ALDOA: variants seen among roughly 807,000 people sequenced by gnomAD.
ALDOA encodes fructose-bisphosphate aldolase A.
In ALDOA, 26 loss-of-function variants were observed where a neutral mutation model predicts 43.9. That is an observed-to-expected ratio of 0.59 (90% CI 0.43 to 0.82). The LOEUF (loss-of-function observed/expected upper bound fraction) is 0.82, where lower values mean the gene tolerates loss of function less well. ALDOA is among the 40% of genes least tolerant of loss of function. The pLI is 0.00. For synonymous variants in ALDOA, 258 were observed against 222.6 expected, an observed-to-expected ratio of 1.16 and a Z score of -1.42; for missense variants, 498 against 549.5, an observed-to-expected ratio of 0.91 and a Z score of 0.94.
chr16:30,067,906 C>G, intron 4 of ALDOA: 1 of 565,192 alleles, frequency 1.8e-6, no homozygotes, highest in South Asian at 2.0e-5. Context: ...GAGTAAGTGG[C>G]AGAGCCCCAG....
intron 2 of ALDOA, 71 bp from the exon 3 acceptor site, chr16:30,067,163 G>A (rs2072139170): frequency 3.1e-6 from 5 of 1,604,042 alleles, no homozygotes; most frequent in Admixed American, 1.7e-5. Context: ...TCCAGGAGAG[G>A]GGCCCTGGTC....
rs2072233864 is a variant in ALDOA at position 30,069,402 on chromosome 16, C to T, written c.786+13C>T. 4 of 1,614,158 alleles carry T rather than the reference C, an allele frequency of 2.5e-6. No homozygotes were observed. The highest frequency in any genetic ancestry group is 2.5e-6 in the Non-Finnish European group (3 of 1,180,000). On this transcript the variant is annotated intron_variant, in intron 7 of 9. Coordinates refer to ENST00000642816, the MANE Select transcript of ALDOA (RefSeq NM_001243177.4). ...TGTGACCGAGAAGGTAAATGGCTAC[C>T]TGCCTGACCAGTGCAAGGTGGCTGG... is the stretch of plus-strand genomic sequence containing the variant.
chr16:30,067,146 C>T, intron 2 of ALDOA, 88 bp from the exon 3 acceptor site: 2 of 1,591,896 alleles, frequency 1.3e-6, no homozygotes, highest in Non-Finnish European at 1.7e-6. Context: ...GGAACATTTC[C>T]CTGACCTCCA....
At position 30,069,404 on chromosome 16, in the gene ALDOA, G is replaced by T. The variant is rs745449029; in HGVS notation, c.786+15G>T. 6.2e-7 allele frequency: 1 copy of T among 1,614,076 alleles called. No individual in the cohort carries two copies. The highest frequency in any genetic ancestry group is 1.7e-5 in the Admixed American group (1 of 60,014). On this transcript the variant is annotated intron_variant, in intron 7 of 9. Coordinates refer to ENST00000642816, the MANE Select transcript of ALDOA (RefSeq NM_001243177.4). ...TGACCGAGAAGGTAAATGGCTACCT[G>T]CCTGACCAGTGCAAGGTGGCTGGCC...
intron 1 of ALDOA, 69 bp from the exon 2 acceptor site, chr16:30,066,816 G>A: frequency 6.7e-7 from 1 of 1,483,336 alleles, no homozygotes; most frequent in South Asian, 1.3e-5. Flanking sequence ...TTCCCACGAG[G>A]GTGTTGGGCC....
chr16:30,065,087 G>A (rs190221518), upstream of ALDOA, among the ~76,000 whole-genome samples: 105 of 152,362 alleles, frequency 6.9e-4, 1 homozygote, highest in East Asian at 0.015. Context: ...GCCCGGCGGA[G>A]AGCGCGCACG....
rs772305686 is a variant in ALDOA, at chr16:30,067,176, C to T, written c.142-58C>T. On this transcript the variant is annotated intron_variant, in intron 2 of 9. Coordinates refer to ENST00000642816, the MANE Select transcript of ALDOA (RefSeq NM_001243177.4). Reference sequence around the variant, plus strand: ...CCTCCAGGAGAGGGGCCCTGGTCATCGGGAGATGATGGGAAACCCTAGCTA... The same window carrying T: ...CCTCCAGGAGAGGGGCCCTGGTCATTGGGAGATGATGGGAAACCCTAGCTA... 4.4e-6 allele frequency: 7 copies of T among 1,608,638 alleles called. No individual in the cohort carries two copies. The East Asian group carries it at 6.7e-5, about 15-fold the overall frequency.
rs966988184 is a variant in ALDOA at position 30,070,268 on chromosome 16, TGAA to T, written c.*59_*61del. On this transcript the variant is annotated 3_prime_UTR_variant, in exon 10 of 10. Coordinates refer to ENST00000642816, the MANE Select transcript of ALDOA (RefSeq NM_001243177.4). ...TCCAGGCCCTGCCCCCTCCCACTCT[TGAA>T]GAGGAGGCCGCCTCCTCGGGGCTCC... is the stretch of plus-strand genomic sequence containing the variant. The T allele has an allele frequency of 7.3e-5, 114 of 1,564,742 alleles. No homozygotes were observed. The highest frequency in any genetic ancestry group is 9.7e-5 in the Non-Finnish European group (110 of 1,135,696).
In ALDOA at chr16:30,068,800, C is replaced by A. The variant is rs1278981535; in HGVS notation, c.542-18C>A. The A allele has an allele frequency of 6.2e-7, 1 of 1,614,184 alleles. No homozygotes were observed. Among genetic ancestry groups the A allele is most frequent in the Admixed American group, 1.7e-5 (1 of 60,026 alleles). On this transcript the variant is annotated intron_variant, in intron 5 of 9. Transcript: ENST00000642816. ...ATGCCCCTCCCCACCGTGCTCTGAC[C>A]CCTTCCTCTTCTCTTAGGGTTGGAT...
rs878860332 is a variant in ALDOA, at chr16:30,069,676, G to A, written c.961+3G>A. The A allele has an allele frequency of 6.2e-7, 1 of 1,613,424 alleles. No individual in the cohort carries two copies. The highest frequency in any genetic ancestry group is 1.3e-5 in the African/African-American group (1 of 75,048). On this transcript the variant is annotated splice_donor_region_variant and intron_variant, in intron 8 of 9. Coordinates refer to ENST00000642816, the MANE Select transcript of ALDOA (RefSeq NM_001243177.4). The stretch of plus-strand genomic sequence containing the variant: ...CACAGTGCCCCCCGCTGTCACTGGT[G>A]AGGCCCACACTCATCTTGATCTCTA...
Position 30,070,251 on chromosome 16 carries a change from C to T in ALDOA, c.*39C>T. 6.2e-7 allele frequency: 1 copy of T among 1,600,968 alleles called. No homozygotes were observed. The highest frequency in any genetic ancestry group is 1.7e-5 in the Admixed American group (1 of 59,992). ...CAGGCTGCCCCCAACACTCCAGGCCCTGCCCCCTCCCACTCTTGAAGAGGA... is the reference window on the plus strand; with the variant it reads ...CAGGCTGCCCCCAACACTCCAGGCCTTGCCCCCTCCCACTCTTGAAGAGGA... On this transcript the variant is annotated 3_prime_UTR_variant, in exon 10 of 10. Coordinates refer to ENST00000642816, the MANE Select transcript of ALDOA (RefSeq NM_001243177.4).
chr16:30,064,599 A>G, upstream of ALDOA: 1 of 397,814 alleles, frequency 2.5e-6, no homozygotes, highest in East Asian at 3.6e-5. Flanking sequence ...TGTGAATGTC[A>G]GGGGCTTCAG....
In ALDOA at chr16:30,066,836, A is replaced by G. The variant is rs1017288453; in HGVS notation, c.-13-49A>G. ...ACGAGGGTGTTGGGCCCTCTGCTTG[A>G]TTCACGATCTTTACATTCTAAAATA... On this transcript the variant is annotated intron_variant, in intron 1 of 9. Coordinates refer to ENST00000642816, the MANE Select transcript of ALDOA (RefSeq NM_001243177.4). 41 of 1,524,044 alleles carry G rather than the reference A, an allele frequency of 2.7e-5. No homozygotes were observed. In the African/African-American group the frequency reaches 5.1e-4, roughly 19 times the overall value. 94.4% of individuals were successfully genotyped at this position (1,524,044 alleles called of 1,614,324 possible).
At chr16:30,068,578 G>C (rs3098414) in intron 4 of ALDOA, 68 bp from the exon 5 acceptor site, 10 of 1,557,250 alleles carry the variant, frequency 6.4e-6, no homozygotes, top group African/African-American at 1.4e-5. Flanking sequence ...ACTCCAGCCG[G>C]GGCGACAGTG....
chr16:30,069,901 C>G lies in ALDOA; in HGVS notation c.1033C>G (p.Pro345Ala). ...CAACCTCAATGCCATTAACAAGTGC[C>G]CCCTGCTGAAGCCCTGGGCCCTGAC... Reference protein sequence around the residue: ...SINLNAINKCPLLKPWALTFS... With the variant: ...SINLNAINKCALLKPWALTFS... Residue 345 changes from proline to alanine, a missense_variant, in exon 9 of 10, where the codon CCC (proline) becomes GCC (alanine). Physicochemically the swap from Pro to Ala is conservative, Grantham distance 27. Coordinates refer to ENST00000642816, the MANE Select transcript of ALDOA (RefSeq NM_001243177.4). 6.2e-7 allele frequency: 1 copy of G among 1,614,156 alleles called. No homozygotes were observed. Among genetic ancestry groups the G allele is most frequent in the Non-Finnish European group, 8.5e-7 (1 of 1,180,026 alleles).
At position 30,069,908 on chromosome 16, in the gene ALDOA, T is replaced by C. The variant is rs562390740; in HGVS notation, c.1040T>C (p.Leu347Pro). The change falls in exon 9 of 10, where the codon CTG becomes CCG. Residue 347 changes from leucine to proline, a missense_variant. Coordinates refer to ENST00000642816, the MANE Select transcript of ALDOA (RefSeq NM_001243177.4). Reference protein sequence around the residue: ...NLNAINKCPLLKPWALTFSYG... With the variant: ...NLNAINKCPLPKPWALTFSYG... ...AATGCCATTAACAAGTGCCCCCTGCTGAAGCCCTGGGCCCTGACCTTCTCC... is the reference window on the plus strand; with the variant it reads ...AATGCCATTAACAAGTGCCCCCTGCCGAAGCCCTGGGCCCTGACCTTCTCC... The C allele has an allele frequency of 6.2e-7, 1 of 1,614,156 alleles. No homozygotes were observed. The highest frequency in any genetic ancestry group is 1.3e-5 in the African/African-American group (1 of 75,052).
At chr16:30,064,512 G>A, upstream of ALDOA, 1 of 398,740 alleles carries the variant, frequency 2.5e-6, no homozygotes. Flanking sequence ...ACCGGTGAGT[G>A]GGCAGGGGCT....
At chr16:30,065,673 A>G (rs2072072330), upstream of ALDOA, 1 of 152,098 alleles carries the variant, frequency 6.6e-6, no homozygotes. Flanking sequence ...GTCGCCTGCC[A>G]TTGGACGCCG....
At position 30,070,366 on chromosome 16, in the gene ALDOA, CCAT is replaced by C; in HGVS notation, c.*157_*159del. 1 of 701,726 alleles carries C rather than the reference CCAT, an allele frequency of 1.4e-6. No individual in the cohort carries two copies. The highest frequency in any genetic ancestry group is 2.7e-5 in the East Asian group (1 of 36,946). 43.5% of individuals were successfully genotyped at this position (701,726 alleles called of 1,614,324 possible). On this transcript the variant is annotated 3_prime_UTR_variant, in exon 10 of 10. Coordinates refer to ENST00000642816, the MANE Select transcript of ALDOA (RefSeq NM_001243177.4). ...GTGGTGTCGTCTGTGAATGCTAAGT[CCAT>C]CACCCTTTCCGGCACACTGCCAAAT...
Sources: allele counts gnomAD v4.1 joint callset (sites outside exome capture counted in the v4.1 genomes callset), GRCh38; gene constraint gnomAD v4.1.1; transcripts MANE v1.5; gene names NCBI Gene and HGNC (gene_info 2026-07-23, HGNC 2026-07-21).